CNIH2: variants seen among roughly 807,000 people sequenced by gnomAD.
CNIH2 encodes the protein protein cornichon homolog 2.
A neutral mutation model predicts 22.9 loss-of-function variants in CNIH2; 8 were observed. That is an observed-to-expected ratio of 0.35 (90% confidence interval 0.20 to 0.63). The LOEUF (loss-of-function observed/expected upper bound fraction) is 0.63. CNIH2 is among the 30% of genes least tolerant of loss of function. The pLI is 0.72. For synonymous variants in CNIH2, 74 were observed against 78.2 expected (o/e 0.95, Z 0.28); for missense variants, 105 against 206.2 (o/e 0.51, Z 3.01).
chr11:66,281,556 C>T (rs961071989), intron 1 of CNIH2: 2 of 440,104 alleles, frequency 4.5e-6, no homozygotes, highest in Non-Finnish European at 4.6e-6. Context: ...ATGCCTCCCC[C>T]CAAAATTTTT....
At chr11:66,282,491 G>A (rs1857274262) in intron 2 of CNIH2, 164 bp downstream of exon 2, 9 of 964,276 alleles carry the variant, frequency 9.3e-6, no homozygotes, top group Middle Eastern at 6.4e-4. Context: ...CGCGGGCTCA[G>A]GGCTGAGTTC....
intron 2 of CNIH2, 102 bp downstream of exon 2, chr11:66,282,429 G>GAGGGGGGGGGGGGGGGGGGGGC: frequency 2.1e-6 from 1 of 479,462 alleles, no homozygotes; most frequent in East Asian, 5.8e-5. Flanking sequence ...GGGGTGGGGG[G>GAGGGGGGGGGGGGGGGGGGGGC]CCTACGGCCA....
intron 1 of CNIH2, among the ~76,000 whole-genome samples, chr11:66,279,714 C>T (rs894797381): frequency 6.6e-6 from 1 of 152,094 alleles, no homozygotes; most frequent in African/African-American, 2.4e-5. Context: ...CATGGTTCCC[C>T]CTGCGCTCCC....
intron 1 of CNIH2, among the ~76,000 whole-genome samples, chr11:66,279,144 G>GC (rs927893837): frequency 2.1e-4 from 31 of 148,498 alleles, no homozygotes; most frequent in Admixed American, 4.7e-4. Flanking sequence ...GGGCTTCCCA[G>GC]CCCCCCAGGT....
chr11:66,283,476 C>G, intron 5 of CNIH2, 85 bp downstream of exon 5: 7 of 1,610,486 alleles, frequency 4.3e-6, no homozygotes, highest in Non-Finnish European at 5.1e-6. Flanking sequence ...GCCTTTTGCC[C>G]CTGAGGACTG....
intron 1 of CNIH2, chr11:66,281,585 A>C: frequency 2.4e-6 from 1 of 412,590 alleles, no homozygotes. Context: ...GTAAGTCCAA[A>C]CTCCTGCTCT....
rs1450277703 is a variant in CNIH2 at position 66,278,441 on chromosome 11, G to A, written c.-16G>A. 6 of 1,233,968 alleles carry A rather than the reference G, an allele frequency of 4.9e-6. No individual in the cohort carries two copies. The highest frequency in any genetic ancestry group is 1.6e-5 in the African/African-American group (1 of 62,022). The allele number at this position is 1,233,968 out of a possible 1,614,324, so 76.4% of individuals were successfully genotyped here. ...CCGCGCTGGCGCCCCCCGGGCCGCCGCCCGGCGCGGGGGCCATGGCGTTCA... is the reference window on the plus strand; with the variant it reads ...CCGCGCTGGCGCCCCCCGGGCCGCCACCCGGCGCGGGGGCCATGGCGTTCA... On this transcript the variant is annotated 5_prime_UTR_variant, in exon 1 of 6. Coordinates refer to ENST00000311445, the MANE Select transcript of CNIH2 (RefSeq NM_182553.3).
intron 1 of CNIH2, 50 bp from the exon 2 acceptor site, chr11:66,282,209 A>C: frequency 6.7e-7 from 1 of 1,490,388 alleles, no homozygotes; most frequent in Non-Finnish European, 9.4e-7. Context: ...ACTTGGGGGA[A>C]GGCCATAAGC....
intron 1 of CNIH2, among the ~76,000 whole-genome samples, chr11:66,278,849 T>C: frequency 6.8e-6 from 1 of 146,170 alleles, no homozygotes. Flanking sequence ...TGCTTTATCT[T>C]CTATGTCCCC....
rs938922575 is a variant in CNIH2, at chr11:66,283,749, C to A, written c.*152C>A. On this transcript the variant is annotated 3_prime_UTR_variant, in exon 6 of 6. Coordinates refer to ENST00000311445, the MANE Select transcript of CNIH2 (RefSeq NM_182553.3). ...ACCCCCAAACTGCTGCTGCGGGGAACCCCCCCCACCCCGCCTTCAGAGCCC... is the reference window on the plus strand; with the variant it reads ...ACCCCCAAACTGCTGCTGCGGGGAAACCCCCCCACCCCGCCTTCAGAGCCC... The A allele has an allele frequency of 1.8e-5, 13 of 733,262 alleles. No individual in the cohort carries two copies. The highest frequency in any genetic ancestry group is 7.9e-4 in the Middle Eastern group (2 of 2,546). 45.4% of individuals were successfully genotyped at this position (733,262 alleles called of 1,614,324 possible).
At position 66,283,365 on chromosome 11, in the gene CNIH2, G is replaced by A. The variant is rs146306890; in HGVS notation, c.429G>A (p.Leu143=). ...KESWCKLAFY[L]LSFFYYLYSM... Reference sequence around the variant, plus strand: ...CCTGGTGCAAACTTGCCTTCTACCTGCTCTCCTTCTTCTATTACCTGTACA... The same window carrying A: ...CCTGGTGCAAACTTGCCTTCTACCTACTCTCCTTCTTCTATTACCTGTACA... The change falls in exon 5 of 6, where the codon CTG becomes CTA. Residue 143 remains leucine, a synonymous_variant. Transcript: ENST00000311445. The A allele has an allele frequency of 7.4e-6, 12 of 1,614,164 alleles. No homozygotes were observed. Among genetic ancestry groups the A allele is most frequent in the South Asian group, 5.5e-5 (5 of 91,084 alleles).
chr11:66,282,429 G>GCCC, intron 2 of CNIH2, 102 bp downstream of exon 2: 10 of 479,406 alleles, frequency 2.1e-5, no homozygotes, highest in East Asian at 1.2e-4. Flanking sequence ...GGGGTGGGGG[G>GCCC]CCTACGGCCA....
At chr11:66,282,354 G>A (rs755698600) in intron 2 of CNIH2, 27 bp downstream of exon 2, 2 of 1,603,656 alleles carry the variant, frequency 1.2e-6, no homozygotes, top group Non-Finnish European at 1.7e-6. Flanking sequence ...CTGTGCCGAG[G>A]TGTGTCCGTC....
chr11:66,281,199 C>T (rs555766544), intron 1 of CNIH2, among the ~76,000 whole-genome samples: 2 of 152,320 alleles, frequency 1.3e-5, no homozygotes, highest in African/African-American at 4.8e-5. Context: ...ACCCTCCAAA[C>T]CGTCCCCTTG....
In CNIH2 at chr11:66,283,963, C is replaced by A; in HGVS notation, c.*366C>A. 4.1e-6 allele frequency: 1 copy of A among 245,788 alleles called. No homozygotes were observed. The highest frequency in any genetic ancestry group is 8.1e-6 in the Non-Finnish European group (1 of 123,796). 15.2% of individuals were successfully genotyped at this position (245,788 alleles called of 1,614,324 possible). A position where few individuals can be genotyped will look rare whatever the true frequency, so the allele number is the denominator to read the frequency against. On this transcript the variant is annotated 3_prime_UTR_variant, in exon 6 of 6. Coordinates refer to ENST00000311445, the MANE Select transcript of CNIH2 (RefSeq NM_182553.3). ...ATTCTGGGCCATCCCCCTCCACCCC[C>A]ACCCTGAGGCTCCCCCTGCAGGTGG... is the stretch of plus-strand genomic sequence containing the variant.
intron 1 of CNIH2, chr11:66,281,394 G>T (rs1268695771): frequency 2.2e-6 from 1 of 456,262 alleles, no homozygotes; most frequent in Non-Finnish European, 4.4e-6. Context: ...AGAATTAAAT[G>T]AGTGAATCCA....
In CNIH2 at chr11:66,282,309, G is replaced by C. The variant is rs776663057; in HGVS notation, c.132G>C (p.Gln44His). 1 of 1,613,802 alleles carries C rather than the reference G, an allele frequency of 6.2e-7. No homozygotes were observed. Among genetic ancestry groups the C allele is most frequent in the Admixed American group, 1.7e-5 (1 of 60,024 alleles). The change falls in exon 2 of 6, where the codon CAG becomes CAC. Residue 44 changes from glutamine (Q) to histidine (H), a missense_variant. Coordinates refer to ENST00000311445, the MANE Select transcript of CNIH2 (RefSeq NM_182553.3). ...CCGACTTCAAGAACCCCATCGACCA[G>C]GGGAACCCTGCGCGGGCAGTAAGTG... ...LRTDFKNPID[Q>H]GNPARARERL... is the part of the protein sequence containing the mutation.
rs937860660 is a variant in CNIH2 at position 66,278,920 on chromosome 11, C to CA, written c.81+383_81+384insA. 6.2e-5 allele frequency among the ~76,000 whole-genome samples: 6 copies of CA among 97,554 alleles called. 1 individual carries two copies. Among genetic ancestry groups the CA allele is most frequent in the Non-Finnish European group, 9.6e-5 (4 of 41,648 alleles). 64.0% of individuals were successfully genotyped at this position (97,554 alleles called of 152,430 possible). A position where few individuals can be genotyped will look rare whatever the true frequency, so the allele number is the denominator to read the frequency against. ...GGGCAGTTTGTCTGTCTGCTGCCCC[C>CA]CCCCCCCCGCCTTTGTGGGTTTTTC... is the stretch of plus-strand genomic sequence containing the variant. On this transcript the variant is annotated intron_variant, in intron 1 of 5. Transcript: ENST00000311445.
chr11:66,283,898 A>G lies in CNIH2; in HGVS notation c.*301A>G, dbSNP rs1857305058. 2.7e-6 allele frequency: 1 copy of G among 376,734 alleles called. No individual in the cohort carries two copies. The highest frequency in any genetic ancestry group is 2.1e-5 in the African/African-American group (1 of 48,246). The allele number at this position is 376,734 out of a possible 1,614,324, so 23.3% of individuals were successfully genotyped here. On this transcript the variant is annotated 3_prime_UTR_variant, in exon 6 of 6. Transcript: ENST00000311445. Reference sequence around the variant, plus strand: ...CCTCCGGCCTTGTCCATTTCGGGGGAAACTTGGGCCCTGCCAAGGGGCAGA... The same window carrying G: ...CCTCCGGCCTTGTCCATTTCGGGGGGAACTTGGGCCCTGCCAAGGGGCAGA...
Sources: allele counts gnomAD v4.1 joint callset (sites outside exome capture counted in the v4.1 genomes callset), GRCh38; gene constraint gnomAD v4.1.1; transcripts MANE v1.5; gene names NCBI Gene and HGNC (gene_info 2026-07-23, HGNC 2026-07-21).